The following PPARGC1A variants were observed in gnomAD, a reference collection of about 807,000 sequenced individuals.
PPARGC1A encodes the protein peroxisome proliferator-activated receptor gamma coactivator 1-alpha.
A neutral mutation model predicts 88.7 loss-of-function variants in PPARGC1A; 25 were observed. The ratio of observed to expected loss-of-function variants is 0.28; its 90% CI spans 0.21 to 0.39. PPARGC1A has a LOEUF of 0.39. PPARGC1A is among the 10% of genes least tolerant of loss of function. The pLI is 1.00. For synonymous variants in PPARGC1A, 363 were observed against 355.6 expected (o/e 1.02, Z -0.24); for missense variants, 880 against 968.7 (o/e 0.91, Z 1.22).
chr4:23,945,337 T>C, the PPARGC1A span, among the ~76,000 whole-genome samples: 1 of 152,128 alleles, frequency 6.6e-6, no homozygotes, highest in African/African-American at 2.4e-5. Context: ...TAAATAAACA[T>C]GCATGCATAT....
At chr4:24,192,361 T>C in the PPARGC1A span, among the ~76,000 whole-genome samples, 2 of 152,136 alleles carry the variant, frequency 1.3e-5, no homozygotes, top group Non-Finnish European at 2.9e-5. Flanking sequence ...CCTCTGAAAA[T>C]AGTAAACAGC....
chr4:24,163,392 C>T, the PPARGC1A span, among the ~76,000 whole-genome samples: 2 of 151,958 alleles, frequency 1.3e-5, no homozygotes, highest in African/African-American at 2.4e-5. Flanking sequence ...AATACACAGC[C>T]CTGTCGGGGT....
At chr4:24,016,421 TCA>T in the PPARGC1A span, among the ~76,000 whole-genome samples, 194 of 152,330 alleles carry the variant, frequency 1.3e-3, 1 homozygote, top group African/African-American at 4.0e-3. Flanking sequence ...TCTCTCTGCT[TCA>T]GTTTTATAAA....
chr4:24,319,498 A>C, the PPARGC1A span, among the ~76,000 whole-genome samples: 7 of 152,332 alleles, frequency 4.6e-5, no homozygotes, highest in East Asian at 1.2e-3. Context: ...TGCCACGTGG[A>C]TCTCCTTAGT....
chr4:24,225,830 A>T, the PPARGC1A span, among the ~76,000 whole-genome samples: 1 of 152,188 alleles, frequency 6.6e-6, no homozygotes, highest in Non-Finnish European at 1.5e-5. Context: ...ATTCAAGCAG[A>T]GTTGTCCTGT....
chr4:24,214,693 G>A, the PPARGC1A span, among the ~76,000 whole-genome samples: 1 of 152,104 alleles, frequency 6.6e-6, no homozygotes, highest in Non-Finnish European at 1.5e-5. Context: ...TGTGTCGAAG[G>A]CCATTTCTCT....
At chr4:24,463,652 G>A in the PPARGC1A span, among the ~76,000 whole-genome samples, 2 of 152,216 alleles carry the variant, frequency 1.3e-5, no homozygotes, top group South Asian at 4.1e-4. Context: ...TGGGCAGGAT[G>A]AGGATCTAGA....
chr4:24,203,699 C>A, the PPARGC1A span, among the ~76,000 whole-genome samples: 1 of 152,224 alleles, frequency 6.6e-6, no homozygotes, highest in Non-Finnish European at 1.5e-5. Context: ...GAGGGCGAGG[C>A]AATGATGAAC....
chr4:24,370,749 C>CTTTT, the PPARGC1A span, among the ~76,000 whole-genome samples: 189 of 62,936 alleles, frequency 3.0e-3, 4 homozygotes, highest in African/African-American at 5.7e-3. Flanking sequence ...CTGTCTCTCT[C>CTTTT]TTTTTTTTTT....
At chr4:24,056,984 A>G in the PPARGC1A span, among the ~76,000 whole-genome samples, 1 of 152,226 alleles carries the variant, frequency 6.6e-6, no homozygotes, top group Non-Finnish European at 1.5e-5. Context: ...CAGGGTCTTA[A>G]AAAGAGATAT....
chr4:24,345,268 AT>A, the PPARGC1A span, among the ~76,000 whole-genome samples: 67,559 of 147,392 alleles, frequency 0.46, 15,623 homozygotes, highest in African/African-American at 0.58. Context: ...GAATTTTAGA[AT>A]TTTTTTTTTT....
the PPARGC1A span, among the ~76,000 whole-genome samples, chr4:24,169,044 T>C: frequency 7.9e-5 from 12 of 152,154 alleles, no homozygotes; most frequent in African/African-American, 2.9e-4. Flanking sequence ...AGCCATATGA[T>C]CCAGTTCAAC....
chr4:24,007,110 T>C, the PPARGC1A span, among the ~76,000 whole-genome samples: 2,122 of 152,250 alleles, frequency 0.014, 46 homozygotes, highest in African/African-American at 0.048. Context: ...TTGTGTATCA[T>C]AAAATTATGG....
the PPARGC1A span, among the ~76,000 whole-genome samples, chr4:24,136,184 T>C: frequency 7.2e-5 from 11 of 152,324 alleles, no homozygotes; most frequent in East Asian, 1.2e-3. Flanking sequence ...AGGCACTTAA[T>C]TGAACTGTTT....
chr4:23,868,147 G>T (rs1175303549), intron 2 of PPARGC1A, among the ~76,000 whole-genome samples: 1 of 152,104 alleles, frequency 6.6e-6, no homozygotes, highest in African/African-American at 2.4e-5. Context: ...GGGGAGAGAA[G>T]AGTAAATGCT....
the PPARGC1A span, among the ~76,000 whole-genome samples, chr4:23,952,368 C>T: frequency 1.2e-4 from 19 of 152,102 alleles, no homozygotes; most frequent in African/African-American, 4.6e-4. Flanking sequence ...TTCCTGATGG[C>T]TTCAGCCAAT....
At chr4:24,109,298 TACACACACACACAC>T in the PPARGC1A span, among the ~76,000 whole-genome samples, 236 of 131,874 alleles carry the variant, frequency 1.8e-3, no homozygotes, top group African/African-American at 5.9e-3. Flanking sequence ...CATTTCATTA[TACACACACACACAC>T]ACACACACAC....
the PPARGC1A span, among the ~76,000 whole-genome samples, chr4:24,066,943 G>A: frequency 6.8e-6 from 1 of 148,048 alleles, no homozygotes; most frequent in African/African-American, 2.5e-5. Context: ...GGCGGTGAAG[G>A]CCAACACACA....
chr4:24,367,416 T>C, the PPARGC1A span, among the ~76,000 whole-genome samples: 2 of 152,288 alleles, frequency 1.3e-5, no homozygotes, highest in African/African-American at 4.8e-5. Flanking sequence ...GGCATTTATT[T>C]AAAAGCTTAA....
Sources: allele counts gnomAD v4.1 joint callset (sites outside exome capture counted in the v4.1 genomes callset), GRCh38; gene constraint gnomAD v4.1.1; transcripts MANE v1.5; gene names NCBI Gene and HGNC (gene_info 2026-07-23, HGNC 2026-07-21).